The following GPR162 variants were observed in gnomAD, a reference collection of about 807,000 sequenced individuals.
The protein encoded by GPR162 is G protein-coupled receptor 162.
GPR162 carries 26 observed loss-of-function variants against 44.9 expected under a neutral mutation model. The ratio of observed to expected loss-of-function variants is 0.58; its 90% confidence interval spans 0.42 to 0.80. The LOEUF is 0.80. Among genes scored for constraint, GPR162 ranks in the 30% least tolerant of loss-of-function variants. GPR162 has a pLI of 0.00. For missense variants in GPR162, 704 were observed against 802.3 expected, an observed-to-expected ratio of 0.88 and a Z score of 1.48; for synonymous variants, 363 against 335.2, an observed-to-expected ratio of 1.08 and a Z score of -0.91.
Position 6,826,836 on chromosome 12 carries a change from G to A in GPR162, c.1399G>A (p.Asp467Asn). The A allele has an allele frequency of 6.2e-7, 1 of 1,611,112 alleles. No individual in the cohort carries two copies. The highest frequency in any genetic ancestry group is 8.5e-7 in the Non-Finnish European group (1 of 1,178,462). The part of the protein sequence containing the change: ...GQRHRLEDEE[D>N]EEEAEGGGLA... ...AAGACACAGGTTGGAGGACGAGGAG[G>A]ACGAGGAAGAGGCTGAAGGTGGGGG... is the stretch of plus-strand genomic sequence containing the variant. The change falls in exon 5 of 5, where the codon GAC (aspartate) becomes AAC (asparagine). Residue 467 changes from aspartate (D) to asparagine (N), a missense_variant. Around this residue, in one of 6 missense-constraint regions of GPR162, gnomAD observed 404 missense variants for 314.1 expected, o/e 1.29. Transcript: ENST00000311268.
At chr12:6,825,713 G>T (rs782599679) in intron 3 of GPR162, 40 bp downstream of exon 3, 2 of 1,503,244 alleles carry the variant, frequency 1.3e-6, no homozygotes, top group Non-Finnish European at 9.1e-7. Context: ...CTGGACATCT[G>T]TCTATTCCCT....
chr12:6,825,427 G>A, intron 2 of GPR162, 57 bp from the exon 3 acceptor site: 1 of 1,078,646 alleles, frequency 9.3e-7, no homozygotes, highest in Non-Finnish European at 1.4e-6. Flanking sequence ...AGGATATGGG[G>A]TTCAGGTGGG....
Position 6,823,794 on chromosome 12 carries a change from G to A in GPR162, c.-105G>A, listed in dbSNP as rs781857750. 6.2e-6 allele frequency: 10 copies of A among 1,612,214 alleles called. No individual in the cohort carries two copies. The highest frequency in any genetic ancestry group is 8.5e-6 in the Non-Finnish European group (10 of 1,179,048). ...CCTGGGGGCAGCCTGCCTGCTGACA[G>A]GGCGAGGATTGTGGGGATCATGGGA... On this transcript the variant is annotated 5_prime_UTR_variant, in exon 2 of 5. Coordinates refer to ENST00000311268, the MANE Select transcript of GPR162 (RefSeq NM_019858.2).
In GPR162 at chr12:6,826,315, A is replaced by G. The variant is rs782545933; in HGVS notation, c.1177A>G (p.Met393Val). The change falls in exon 4 of 5, where the codon ATG becomes GTG. Residue 393 changes from methionine to valine, a missense_variant. Physicochemically the swap from Met to Val is conservative, Grantham distance 21. Around this residue, in one of 6 missense-constraint regions of GPR162, gnomAD observed 404 missense variants for 314.1 expected, o/e 1.29. Coordinates refer to ENST00000311268, the MANE Select transcript of GPR162 (RefSeq NM_019858.2). ...AQVKLLPGRHMLFPPLERVHY... is the reference protein window; with the variant it reads ...AQVKLLPGRHVLFPPLERVHY... ...GGTGAAGCTGCTGCCTGGAAGGCAC[A>G]TGCTCTTCCCTCCTCTTGAGAGAGT... 3 of 1,613,494 alleles carry G rather than the reference A, an allele frequency of 1.9e-6. No individual in the cohort carries two copies. Among genetic ancestry groups the G allele is most frequent in the Admixed American group, 1.7e-5 (1 of 59,998 alleles).
At chr12:6,826,140 G>A (rs1943351391) in intron 3 of GPR162, 56 bp from the exon 4 acceptor site, 1 of 1,424,818 alleles carries the variant, frequency 7.0e-7, no homozygotes, top group Admixed American at 1.8e-5. Context: ...GGCAGTGGTG[G>A]GAGGCCGCGG....
intron 2 of GPR162, chr12:6,825,255 T>A (rs1943339207): frequency 1.7e-6 from 1 of 587,964 alleles, no homozygotes; most frequent in Non-Finnish European, 3.0e-6. Context: ...CCACCTCTGT[T>A]CCTCTCCCTC....
At position 6,823,674 on chromosome 12, in the gene GPR162, C is replaced by T. The variant is rs1186854796; in HGVS notation, c.-225C>T. ...AGGAAGGCCCCGCCCAGTATGAAAG[C>T]TGAGGATTGCCTCTGCTGACCCTCA... On this transcript the variant is annotated 5_prime_UTR_variant, in exon 2 of 5. Transcript: ENST00000311268. The T allele has an allele frequency of 2.3e-6, 3 of 1,300,904 alleles. No individual in the cohort carries two copies. Among genetic ancestry groups the T allele is most frequent in the African/African-American group, 2.9e-5 (2 of 68,316 alleles). The allele number at this position is 1,300,904 out of a possible 1,614,324, so 80.6% of individuals were successfully genotyped here.
chr12:6,826,642 C>T lies in GPR162; in HGVS notation c.1216-11C>T, dbSNP rs1555120140. ...GCAGCACCTTCAGGTCTTACCCGCT[C>T]CTCTTCCCAGGTCCCCCTATCCCGG... is the stretch of plus-strand genomic sequence containing the variant. On this transcript the variant is annotated splice_polypyrimidine_tract_variant and intron_variant, in intron 4 of 4. Coordinates refer to ENST00000311268, the MANE Select transcript of GPR162 (RefSeq NM_019858.2). 14 of 1,518,310 alleles carry T rather than the reference C, an allele frequency of 9.2e-6. No homozygotes were observed. Among genetic ancestry groups the T allele is most frequent in the African/African-American group, 1.4e-5 (1 of 71,788 alleles). 94.1% of individuals were successfully genotyped at this position (1,518,310 alleles called of 1,614,324 possible).
chr12:6,824,127 C>A lies in GPR162; in HGVS notation c.229C>A (p.Arg77Ser). Residue 77 changes from arginine (R) to serine (S), a missense_variant, in exon 2 of 5, where the codon CGT (arginine) becomes AGT (serine). Physicochemically the swap from Arg to Ser is moderately radical, Grantham distance 110. Around this residue, in one of 6 missense-constraint regions of GPR162, gnomAD observed 110 missense variants for 206.2 expected, o/e 0.53. Coordinates refer to ENST00000311268, the MANE Select transcript of GPR162 (RefSeq NM_019858.2). ...LTTFAVVQLR[R>S]QASSDYDWNE... ...CACCTTTGCCGTGGTGCAGCTGCGT[C>A]GTCAGGCTTCCTCCGACTATGACTG... 6.2e-7 allele frequency: 1 copy of A among 1,614,038 alleles called. No homozygotes were observed. Among genetic ancestry groups the A allele is most frequent in the Non-Finnish European group, 8.5e-7 (1 of 1,180,042 alleles).
In GPR162 at chr12:6,826,878, C is replaced by T; in HGVS notation, c.1441C>T (p.Gln481Ter). ...AGGTGGGGGGCTGGCCAGCCTTCGCCAATTCTTGGAGAGTGGGGTTCTGGG... is the reference window on the plus strand; with the variant it reads ...AGGTGGGGGGCTGGCCAGCCTTCGCTAATTCTTGGAGAGTGGGGTTCTGGG... ...AEGGGLASLR[Q>*]FLESGVLGSG... The change falls in exon 5 of 5, where the codon CAA becomes TAA. Residue 481 changes from glutamine (Q) to a stop codon, truncating the protein, a stop_gained. Transcript: ENST00000311268. LOFTEE classifies it high-confidence loss of function. The T allele has an allele frequency of 6.2e-7, 1 of 1,613,204 alleles. No individual in the cohort carries two copies. The highest frequency in any genetic ancestry group is 8.5e-7 in the Non-Finnish European group (1 of 1,179,740).
In GPR162 at chr12:6,826,269, A is replaced by G. The variant is rs1943354112; in HGVS notation, c.1131A>G (p.Pro377=). 2 of 1,613,998 alleles carry G rather than the reference A, an allele frequency of 1.2e-6. No homozygotes were observed. The highest frequency in any genetic ancestry group is 1.7e-6 in the Non-Finnish European group (2 of 1,179,928). Residue 377 remains proline (P), a synonymous_variant, in exon 4 of 5, where the codon CCA becomes CCG. Transcript: ENST00000311268. ...TTGATGCTAACGGAGCCACAGGACC[A>G]GGGAGCCGGGACCCCGCCCAGGTGA... ...VRFDANGATG[P]GSRDPAQVKL...
chr12:6,823,185 T>G (rs372926251), intron 1 of GPR162, among the ~76,000 whole-genome samples: 3 of 152,092 alleles, frequency 2.0e-5, no homozygotes, highest in African/African-American at 7.2e-5. Context: ...GCAGGGGATG[T>G]TCTAAGAAGG....
chr12:6,824,762 C>T lies in GPR162; in HGVS notation c.864C>T (p.Ile288=). ...ATGACTCACTCACAGGGGTGCCCATCTTGGTGAGATCGGGGTCCTCCCCAC... is the reference window on the plus strand; with the variant it reads ...ATGACTCACTCACAGGGGTGCCCATTTTGGTGAGATCGGGGTCCTCCCCAC... ...FLYDSLTGVP[I]LVVSFFSLKS... Residue 288 remains isoleucine, a synonymous_variant, in exon 2 of 5, where the codon ATC becomes ATT. Coordinates refer to ENST00000311268, the MANE Select transcript of GPR162 (RefSeq NM_019858.2). 6.2e-7 allele frequency: 1 copy of T among 1,612,116 alleles called. No individual in the cohort carries two copies. The highest frequency in any genetic ancestry group is 2.2e-5 in the East Asian group (1 of 44,878).
rs1555120046 is a variant in GPR162 at position 6,826,264 on chromosome 12, G to A, written c.1126G>A (p.Gly376Arg). The A allele has an allele frequency of 6.2e-7, 1 of 1,614,018 alleles. No homozygotes were observed. Among genetic ancestry groups the A allele is most frequent in the East Asian group, 2.2e-5 (1 of 44,888 alleles). ...KVRFDANGAT[G>R]PGSRDPAQVK... The stretch of plus-strand genomic sequence containing the variant: ...TCGCTTTGATGCTAACGGAGCCACA[G>A]GACCAGGGAGCCGGGACCCCGCCCA... The change falls in exon 4 of 5, where the codon GGA (glycine) becomes AGA (arginine). Residue 376 changes from glycine to arginine, a missense_variant. Physicochemically the swap from Gly to Arg is moderately radical, Grantham distance 125. Coordinates refer to ENST00000311268, the MANE Select transcript of GPR162 (RefSeq NM_019858.2).
Position 6,825,649 on chromosome 12 carries a change from A to G in GPR162, c.1033A>G (p.Met345Val), listed in dbSNP as rs1943344640. The G allele has an allele frequency of 1.3e-6, 2 of 1,576,876 alleles. No homozygotes were observed. Among genetic ancestry groups the G allele is most frequent in the Non-Finnish European group, 1.7e-6 (2 of 1,160,820 alleles). The change falls in exon 3 of 5, where the codon ATG (methionine) becomes GTG (valine). Residue 345 changes from methionine (M) to valine (V), a missense_variant. Met to Val is a conservative substitution (Grantham distance 21). Around this residue, in one of 6 missense-constraint regions of GPR162, gnomAD observed 92 missense variants for 156.5 expected, o/e 0.59. Coordinates refer to ENST00000311268, the MANE Select transcript of GPR162 (RefSeq NM_019858.2). ...RTVWEQCVAI[M>V]SEEDGDDDGG... is the part of the protein sequence containing the mutation. ...AGTGTGGGAGCAATGCGTGGCCATC[A>G]TGTCTGAGGAGGATGGAGATGACGG...
In GPR162 at chr12:6,823,856, C is replaced by T. The variant is rs1555119540; in HGVS notation, c.-43C>T. ...TGGGGCTCCTGGGTGAGACCTAGCC[C>T]CCACCCCCACAGAGCTCAAGGGGGT... is the stretch of plus-strand genomic sequence containing the variant. On this transcript the variant is annotated 5_prime_UTR_variant, in exon 2 of 5. Transcript: ENST00000311268. 1.3e-6 allele frequency: 2 copies of T among 1,583,308 alleles called. No homozygotes were observed. The highest frequency in any genetic ancestry group is 1.7e-6 in the Non-Finnish European group (2 of 1,161,594).
Position 6,823,806 on chromosome 12 carries a change from T to C in GPR162, c.-93T>C. The C allele has an allele frequency of 6.2e-7, 1 of 1,609,218 alleles. No homozygotes were observed. The highest frequency in any genetic ancestry group is 8.5e-7 in the Non-Finnish European group (1 of 1,177,292). ...CTGCCTGCTGACAGGGCGAGGATTG[T>C]GGGGATCATGGGAGTGTTTGTGAGT... On this transcript the variant is annotated 5_prime_UTR_variant, in exon 2 of 5. Transcript: ENST00000311268.
At position 6,823,655 on chromosome 12, in the gene GPR162, G is replaced by A; in HGVS notation, c.-244G>A. ...TCAATTGCAGGGATGCTTAAGGAAG[G>A]CCCCGCCCAGTATGAAAGCTGAGGA... On this transcript the variant is annotated 5_prime_UTR_variant, in exon 2 of 5. Coordinates refer to ENST00000311268, the MANE Select transcript of GPR162 (RefSeq NM_019858.2). The A allele has an allele frequency of 9.4e-7, 1 of 1,065,656 alleles. No individual in the cohort carries two copies. The highest frequency in any genetic ancestry group is 1.5e-5 in the South Asian group (1 of 66,926). The allele number at this position is 1,065,656 out of a possible 1,614,324, so 66.0% of individuals were successfully genotyped here.
chr12:6,824,556 G>T lies in GPR162; in HGVS notation c.658G>T (p.Gly220Trp). Residue 220 changes from glycine to tryptophan, a missense_variant, in exon 2 of 5, where the codon GGG (glycine) becomes TGG (tryptophan). This residue lies in a region of GPR162 where 56 missense variants were observed against 47.2 expected (regional missense o/e 1.19). Transcript: ENST00000311268. ...PRRARQARRV[G>W]GGGGTKAGGP... ...GAGGGCTCGGCAGGCCCGGAGAGTG[G>T]GGGGTGGTGGGGGGACCAAAGCGGG... 1.9e-6 allele frequency: 3 copies of T among 1,605,106 alleles called. No homozygotes were observed. The highest frequency in any genetic ancestry group is 2.6e-6 in the Non-Finnish European group (3 of 1,175,078).
Sources: gnomAD v4.1 joint callset for allele counts (sites outside exome capture counted in the v4.1 genomes callset) on GRCh38, gnomAD v4.1.1 for gene constraint, gnomAD v4.1.1 regional missense constraint, MANE v1.5 for transcripts, NCBI Gene and HGNC (gene_info 2026-07-23, HGNC 2026-07-21) for gene names.